Variants in SLC14A2 observed in about 807,000 individuals in gnomAD.
SLC14A2 encodes the protein solute carrier family 14 member 2.
Under a neutral mutation model 104.6 loss-of-function variants are expected in SLC14A2, and 91 were observed. The ratio of observed to expected loss-of-function variants is 0.87; its 90% CI spans 0.73 to 1.04. SLC14A2 has a LOEUF of 1.04. Among genes scored for constraint, SLC14A2 ranks in the 50% least tolerant of loss-of-function variants. The probability of loss-of-function intolerance (pLI) is 0.00; values close to 1 mark genes in which losing one functional copy is unlikely to be tolerated. For synonymous variants in SLC14A2, 476 were observed against 466.4 expected, an observed-to-expected ratio of 1.02 and a Z score of -0.27; for missense variants, 1,189 against 1,156.0, an observed-to-expected ratio of 1.03 and a Z score of -0.41.
intron 19 of SLC14A2, 63 bp from the exon 20 acceptor site, chr18:45,682,256 G>A (rs1448118887): frequency 6.9e-7 from 1 of 1,439,320 alleles, no homozygotes; most frequent in Non-Finnish European, 9.8e-7. Context: ...TGATTGATAA[G>A]GGCTGATTAA....
rs551263282 is a variant in SLC14A2 at position 45,530,742 on chromosome 18, A to T, written c.-35+47420A>T. ...ACTTTAAGTTTTAGGGTACATGTGC[A>T]CAACATGCAGGTTTGTTACATATGT... On this transcript the variant is annotated intron_variant, in intron 2 of 20. Transcript: ENST00000586448. Among the ~76,000 whole-genome samples, 165 of 152,186 alleles carry T rather than the reference A, an allele frequency of 1.1e-3. 2 individuals are homozygous for T. Among genetic ancestry groups the T allele is most frequent in the African/African-American group, 3.9e-3 (162 of 41,510 alleles).
intron 1 of SLC14A2, among the ~76,000 whole-genome samples, chr18:45,369,763 A>T (rs892219676): frequency 6.6e-6 from 1 of 152,200 alleles, no homozygotes; most frequent in Non-Finnish European, 1.5e-5. Flanking sequence ...GCACAGTGCT[A>T]AGCTCTGAGA....
the SLC14A2 span, among the ~76,000 whole-genome samples, chr18:45,178,379 G>A: frequency 2.0e-5 from 3 of 151,878 alleles, no homozygotes; most frequent in Non-Finnish European, 4.4e-5. Flanking sequence ...TGAGAGATGA[G>A]TAAGATTAAA....
intron 16 of SLC14A2, among the ~76,000 whole-genome samples, chr18:45,672,460 C>T (rs984804042): frequency 9.3e-5 from 14 of 150,964 alleles, no homozygotes; most frequent in East Asian, 7.8e-4. Flanking sequence ...ACCCGGGAGG[C>T]GGAGGTTGCA....
At chr18:45,461,527 C>A (rs1373640621) in intron 1 of SLC14A2, among the ~76,000 whole-genome samples, 1 of 152,234 alleles carries the variant, frequency 6.6e-6, no homozygotes, top group Non-Finnish European at 1.5e-5. Flanking sequence ...TCCCTCCAGT[C>A]TGCTAGAAAG....
At chr18:45,297,624 C>T (rs982483090) in intron 1 of SLC14A2, among the ~76,000 whole-genome samples, 2 of 152,064 alleles carry the variant, frequency 1.3e-5, no homozygotes, top group African/African-American at 4.8e-5. Flanking sequence ...GTAAATATAT[C>T]CACTCGGTTG....
At chr18:45,262,841 A>T (rs549325542) in intron 1 of SLC14A2, among the ~76,000 whole-genome samples, 1 of 152,186 alleles carries the variant, frequency 6.6e-6, no homozygotes, top group Admixed American at 6.6e-5. Flanking sequence ...ACAGTGACAG[A>T]CCCCTGAGAC....
At chr18:45,217,563 A>G (rs1414457353) in intron 1 of SLC14A2, among the ~76,000 whole-genome samples, 1 of 152,130 alleles carries the variant, frequency 6.6e-6, no homozygotes, top group Non-Finnish European at 1.5e-5. Context: ...CAGATTTCAT[A>G]TCTTCCTCCC....
chr18:45,317,724 T>C lies in SLC14A2; in HGVS notation c.-125+104533T>C, dbSNP rs746202111. On this transcript the variant is annotated intron_variant, in intron 1 of 20. Transcript: ENST00000586448. The stretch of plus-strand genomic sequence containing the variant: ...TGTTCCCCAGCTTTTGCCATCCTTT[T>C]TGGGTTTCTGGAGCCCCAGGACCCC... Among the ~76,000 whole-genome samples, 11 of 152,202 alleles carry C rather than the reference T, an allele frequency of 7.2e-5. 1 individual carries two copies. Among genetic ancestry groups the C allele is most frequent in the Non-Finnish European group, 1.3e-4 (9 of 68,030 alleles).
chr18:45,576,935 G>A (rs1448472392), intron 2 of SLC14A2, among the ~76,000 whole-genome samples: 1 of 152,180 alleles, frequency 6.6e-6, no homozygotes. Flanking sequence ...GGCAAGGGAG[G>A]CAGGGCAAGT....
At chr18:45,646,774 G>A (rs1055667387) in intron 10 of SLC14A2, 3 of 151,920 alleles carry the variant, frequency 2.0e-5, no homozygotes, top group Admixed American at 6.6e-5. Flanking sequence ...CCTGCTGAAT[G>A]GGTAGGTAAA....
chr18:45,262,979 AAC>A (rs2084554910), intron 1 of SLC14A2, among the ~76,000 whole-genome samples: 2 of 152,360 alleles, frequency 1.3e-5, no homozygotes, highest in Middle Eastern at 3.4e-3. Flanking sequence ...GCACACACAT[AAC>A]ACAAATATCA....
intron 1 of SLC14A2, among the ~76,000 whole-genome samples, chr18:45,245,802 T>A (rs538833949): frequency 1.3e-5 from 2 of 152,376 alleles, no homozygotes; most frequent in African/African-American, 4.8e-5. Context: ...AATTATTCAT[T>A]CATTTTTGTA....
At chr18:45,431,036 G>T (rs118096905) in intron 1 of SLC14A2, among the ~76,000 whole-genome samples, 1,926 of 152,268 alleles carry the variant, frequency 0.013, 25 homozygotes, top group Non-Finnish European at 0.022. Flanking sequence ...GAGATAAGAA[G>T]TATTGGATCT....
chr18:45,186,390 AC>A, the SLC14A2 span, among the ~76,000 whole-genome samples: 4 of 152,032 alleles, frequency 2.6e-5, no homozygotes, highest in Non-Finnish European at 5.9e-5. Context: ...ATGGTACGAA[AC>A]AACTGAATAT....
intron 1 of SLC14A2, among the ~76,000 whole-genome samples, chr18:45,274,426 C>T (rs1472851688): frequency 6.6e-6 from 1 of 152,078 alleles, no homozygotes; most frequent in Non-Finnish European, 1.5e-5. Flanking sequence ...CATTGTTTGC[C>T]AAGGCCAAGA....
intron 2 of SLC14A2, among the ~76,000 whole-genome samples, chr18:45,558,138 A>G (rs1048792386): frequency 3.9e-5 from 6 of 151,942 alleles, no homozygotes; most frequent in African/African-American, 9.7e-5. Context: ...TACTCTCTCA[A>G]GTCACTTTCT....
At chr18:45,451,202 C>T (rs2086851538) in intron 1 of SLC14A2, among the ~76,000 whole-genome samples, 1 of 152,128 alleles carries the variant, frequency 6.6e-6, no homozygotes, top group Non-Finnish European at 1.5e-5. Flanking sequence ...ACCCTGACCC[C>T]TTCAGGGATT....
rs1236769457 is a variant in SLC14A2 at position 45,667,878 on chromosome 18, C to T, written c.1763C>T (p.Thr588Ile). Residue 588 changes from threonine (T) to isoleucine (I), a missense_variant, in exon 14 of 20, where the codon ACA becomes ATA. Thr to Ile is a moderately conservative substitution (Grantham distance 89). Coordinates refer to ENST00000255226, the MANE Select transcript of SLC14A2 (RefSeq NM_007163.4). ...FQFFDWVLRG[T>I]SQVMFVNNPL... ...TTCTTTGACTGGGTCCTCCGAGGCA[C>T]ATCTCAAGTGATGTTTGTGAACAAC... The T allele has an allele frequency of 4.3e-6, 7 of 1,614,058 alleles. No homozygotes were observed. The East Asian group carries it at 8.9e-5, about 21-fold the overall frequency.
Sources: gnomAD v4.1 joint callset for allele counts (sites outside exome capture counted in the v4.1 genomes callset) on GRCh38, gnomAD v4.1.1 for gene constraint, MANE v1.5 for transcripts, NCBI Gene and HGNC (gene_info 2026-07-23, HGNC 2026-07-21) for gene names.